The following SEC14L5 variants were observed in gnomAD, a reference collection of about 807,000 sequenced individuals.
SEC14L5 encodes the protein SEC14-like protein 5.
A neutral mutation model predicts 84.6 loss-of-function variants in SEC14L5; 96 were observed. The ratio of observed to expected loss-of-function variants is 1.13; its 90% confidence interval spans 0.96 to 1.34. SEC14L5 has a LOEUF of 1.34. Ranked by LOEUF, SEC14L5 falls within the 40% of genes most tolerant of loss-of-function variation. The pLI is 0.00. For synonymous variants in SEC14L5, 546 were observed against 383.4 expected (o/e 1.42, Z -4.95); for missense variants, 1,224 against 942.5 (o/e 1.30, Z -3.91).
Position 5,008,575 on chromosome 16 carries a change from A to G in SEC14L5, c.1727A>G (p.Lys576Arg). ...GTRASGQLIDKGWVLGRDYSR... is the reference protein window; with the variant it reads ...GTRASGQLIDRGWVLGRDYSR... ...AGGGCCAGCGGGCAGCTGATCGACA[A>G]AGGCTGGGTCCTGGGCAGGGATTAC... The change falls in exon 14 of 16, where the codon AAA becomes AGA. Residue 576 changes from lysine (K) to arginine (R), a missense_variant. Coordinates refer to ENST00000251170, the MANE Select transcript of SEC14L5 (RefSeq NM_014692.2). 2 of 1,607,646 alleles carry G rather than the reference A, an allele frequency of 1.2e-6. No individual in the cohort carries two copies. The highest frequency in any genetic ancestry group is 1.7e-6 in the Non-Finnish European group (2 of 1,177,898).
rs1318538208 is a variant in SEC14L5, at chr16:5,006,116, A to G, written c.1437+68A>G. 5.8e-6 allele frequency: 9 copies of G among 1,543,732 alleles called. No individual in the cohort carries two copies. In the East Asian group the frequency reaches 2.0e-4, roughly 35 times the overall value. ...GGGCATGCCTAGCTGGGAGGCTGGGATTCCCGGAGTGGGGCTGGGAGGTGG... is the reference window on the plus strand; with the variant it reads ...GGGCATGCCTAGCTGGGAGGCTGGGGTTCCCGGAGTGGGGCTGGGAGGTGG... On this transcript the variant is annotated intron_variant, in intron 12 of 15. Transcript: ENST00000251170.
At chr16:5,002,849 A>G (rs1292255280) in intron 10 of SEC14L5, among the ~76,000 whole-genome samples, 2 of 152,206 alleles carry the variant, frequency 1.3e-5, no homozygotes, top group African/African-American at 4.8e-5. Context: ...TGCTCTCAGC[A>G]CCTCTGCTCT....
At chr16:4,998,464 C>T (rs1013896935) in intron 8 of SEC14L5, among the ~76,000 whole-genome samples, 8 of 151,512 alleles carry the variant, frequency 5.3e-5, no homozygotes, top group Admixed American at 2.0e-4. Context: ...TAGGGCCGGG[C>T]GCGGTGGCTC....
At chr16:4,977,147 A>G (rs1347567905) in intron 2 of SEC14L5, among the ~76,000 whole-genome samples, 1 of 152,176 alleles carries the variant, frequency 6.6e-6, no homozygotes, top group Non-Finnish European at 1.5e-5. Flanking sequence ...ATTCCAGAAT[A>G]CAAAAAGAAA....
At chr16:4,982,414 C>G (rs1955435171) in intron 2 of SEC14L5, among the ~76,000 whole-genome samples, 1 of 152,180 alleles carries the variant, frequency 6.6e-6, no homozygotes, top group Non-Finnish European at 1.5e-5. Context: ...CCACCCTGAC[C>G]CTGGCCCTTC....
At chr16:4,964,863 T>C (rs1955177799) in intron 2 of SEC14L5, among the ~76,000 whole-genome samples, 2 of 152,042 alleles carry the variant, frequency 1.3e-5, no homozygotes, top group African/African-American at 4.8e-5. Flanking sequence ...CCTGAGTAGC[T>C]GGGATTACAG....
intron 2 of SEC14L5, 56 bp from the exon 3 acceptor site, chr16:4,987,501 G>GGC (rs938708603): frequency 2.8e-6 from 4 of 1,423,742 alleles, no homozygotes; most frequent in South Asian, 2.7e-5. Context: ...TCGCGCTGGG[G>GGC]GGGGGGGTCC....
At chr16:5,007,598 CTTTCTTTCTT>C in intron 13 of SEC14L5, 112 bp downstream of exon 13, 3 of 785,746 alleles carry the variant, frequency 3.8e-6, no homozygotes, top group East Asian at 5.7e-5. Flanking sequence ...TTCTTTCTTT[CTTTCTTTCTT>C]TTTTTTTTTT....
rs200186455 is a variant in SEC14L5 at position 4,983,771 on chromosome 16, G to A, written c.64-3786G>A. On this transcript the variant is annotated intron_variant, in intron 2 of 15. Transcript: ENST00000251170. ...GTGTGCCTGTAATCCCAGCTACTTG[G>A]GAGGCTAAGGCAGGAGAATCGCTTG... is the stretch of plus-strand genomic sequence containing the variant. Among the ~76,000 whole-genome samples, 9 of 151,914 alleles carry A rather than the reference G, an allele frequency of 5.9e-5. No individual in the cohort carries two copies. The East Asian group carries it at 1.7e-3, about 29-fold the overall frequency.
chr16:4,978,959 G>C (rs9934487), intron 2 of SEC14L5, among the ~76,000 whole-genome samples: 81,740 of 152,006 alleles, frequency 0.54, 22,346 homozygotes, highest in East Asian at 0.73. Context: ...TGGTCTCGAA[G>C]TCCTGGGCTC....
chr16:5,011,519 C>T (rs1252993006), intron 15 of SEC14L5, among the ~76,000 whole-genome samples: 2 of 152,192 alleles, frequency 1.3e-5, no homozygotes, highest in African/African-American at 4.8e-5. Context: ...GGCAGAAGCT[C>T]AACTTTTTGG....
At chr16:4,988,821 C>T (rs887701098) in intron 4 of SEC14L5, among the ~76,000 whole-genome samples, 10 of 152,262 alleles carry the variant, frequency 6.6e-5, no homozygotes, top group African/African-American at 2.4e-4. Flanking sequence ...ATGTGCCAGG[C>T]ACCCTGCCAA....
intron 2 of SEC14L5, among the ~76,000 whole-genome samples, chr16:4,965,002 A>G (rs1025671177): frequency 2.6e-5 from 4 of 152,148 alleles, no homozygotes; most frequent in Non-Finnish European, 1.5e-5. Flanking sequence ...AAGTGCTAGG[A>G]TTACAGGTGT....
intron 11 of SEC14L5, 64 bp from the exon 12 acceptor site, chr16:5,005,850 C>G (rs1955724452): frequency 1.4e-6 from 2 of 1,432,812 alleles, no homozygotes; most frequent in East Asian, 2.6e-5. Context: ...GGCGACTGAG[C>G]AAGACTCCGT....
intron 2 of SEC14L5, among the ~76,000 whole-genome samples, chr16:4,966,274 T>TC (rs1276193404): frequency 7.1e-6 from 1 of 139,970 alleles, no homozygotes; most frequent in East Asian, 2.1e-4. Context: ...CCTCTTTTTT[T>TC]TTTTTTTTTT....
intron 6 of SEC14L5, among the ~76,000 whole-genome samples, chr16:4,995,790 C>G (rs752224105): frequency 7.2e-5 from 11 of 151,998 alleles, no homozygotes; most frequent in Non-Finnish European, 1.3e-4. Flanking sequence ...CCACGCCTGG[C>G]TAATTTTTGT....
intron 10 of SEC14L5, among the ~76,000 whole-genome samples, chr16:5,003,140 C>G (rs888802722): frequency 1.3e-5 from 2 of 152,238 alleles, no homozygotes. Flanking sequence ...CTGTTACTAC[C>G]TTTGCCACTG....
At chr16:4,985,024 T>C (rs1309165581) in intron 2 of SEC14L5, among the ~76,000 whole-genome samples, 1 of 152,246 alleles carries the variant, frequency 6.6e-6, no homozygotes, top group Non-Finnish European at 1.5e-5. Flanking sequence ...ACCTTTTCAC[T>C]TTCTTGCTTG....
chr16:4,978,697 G>A (rs1046690821), intron 2 of SEC14L5, among the ~76,000 whole-genome samples: 2 of 151,890 alleles, frequency 1.3e-5, no homozygotes, highest in Non-Finnish European at 2.9e-5. Flanking sequence ...CCGCCTCCTG[G>A]GTTCAGGCCA....
Sources: gnomAD v4.1 joint callset for allele counts (sites outside exome capture counted in the v4.1 genomes callset) on GRCh38, gnomAD v4.1.1 for gene constraint, MANE v1.5 for transcripts, NCBI Gene and HGNC (gene_info 2026-07-23, HGNC 2026-07-21) for gene names.